PKN2: variants seen among roughly 807,000 people sequenced by gnomAD.
PKN2 encodes serine/threonine-protein kinase N2.
In PKN2, 38 loss-of-function variants were observed where a neutral mutation model predicts 119.1. That is an observed-to-expected ratio of 0.32 (90% CI 0.25 to 0.42). The LOEUF is 0.42. Ranked by LOEUF, PKN2 falls within the 10% of genes least tolerant of loss-of-function variation. The pLI is 1.00. For missense variants in PKN2, 850 were observed against 1,165.1 expected (o/e 0.73, Z 3.94); for synonymous variants, 390 against 384.9 (o/e 1.01, Z -0.15).
At chr1:88,799,230 A>G (rs1049169981) in intron 8 of PKN2, among the ~76,000 whole-genome samples, 7 of 152,188 alleles carry the variant, frequency 4.6e-5, no homozygotes, top group African/African-American at 1.7e-4. Flanking sequence ...CCACATCTAT[A>G]GCAGGCCGAC....
At chr1:88,708,279 G>A (rs868701526) in intron 1 of PKN2, among the ~76,000 whole-genome samples, 3 of 152,078 alleles carry the variant, frequency 2.0e-5, no homozygotes, top group African/African-American at 4.8e-5. Context: ...GTATTAACTG[G>A]TTCTCTATAG....
chr1:88,784,098 C>T (rs183612188), intron 6 of PKN2, among the ~76,000 whole-genome samples: 1 of 148,436 alleles, frequency 6.7e-6, no homozygotes, highest in East Asian at 2.0e-4. Context: ...TCTTTTATGC[C>T]CTCTATACAG....
rs550439616 is a variant in PKN2, at chr1:88,762,034, G to T, written c.504+1658G>T. Among the ~76,000 whole-genome samples, 6 of 152,130 alleles carry T rather than the reference G, an allele frequency of 3.9e-5. No individual in the cohort carries two copies. The East Asian group carries it at 1.2e-3, about 29-fold the overall frequency. ...TGTAGAGTAAAGTTTTTAAATCTGG[G>T]GTGGATGGATTAGTTTGAGGGGTTT... On this transcript the variant is annotated intron_variant, in intron 3 of 21. Transcript: ENST00000370521.
At chr1:88,772,462 G>A (rs1289712157) in intron 6 of PKN2, among the ~76,000 whole-genome samples, 1 of 152,122 alleles carries the variant, frequency 6.6e-6, no homozygotes, top group Non-Finnish European at 1.5e-5. Context: ...TTCCAGATTA[G>A]GGATGCTTAA....
chr1:88,802,291 C>T (rs1335718971), intron 8 of PKN2, among the ~76,000 whole-genome samples: 1 of 151,850 alleles, frequency 6.6e-6, no homozygotes, highest in African/African-American at 2.4e-5. Context: ...GTGACTTATC[C>T]CAAATCTCAG....
At chr1:88,687,265 AG>A (rs1478231483) in intron 1 of PKN2, among the ~76,000 whole-genome samples, 4 of 152,230 alleles carry the variant, frequency 2.6e-5, no homozygotes, top group Middle Eastern at 3.4e-3. Context: ...TTATTCAACA[AG>A]GAAGCATTAA....
rs191496972 is a variant in PKN2 at position 88,715,177 on chromosome 1, G to T, written c.49-25811G>T. 3.1e-3 allele frequency among the ~76,000 whole-genome samples: 467 copies of T among 152,298 alleles called. 2 individuals are homozygous for T. The highest frequency in any genetic ancestry group is 4.9e-3 in the Non-Finnish European group (335 of 68,024). On this transcript the variant is annotated intron_variant, in intron 1 of 21. Coordinates refer to ENST00000370521, the MANE Select transcript of PKN2 (RefSeq NM_006256.4). ...ATGTGCTGCTCAGTTCGGTTTGCCA[G>T]TATTTTGTTGAGGATTTTTGCATTG...
At chr1:88,808,375 G>A (rs896211588) in intron 15 of PKN2, among the ~76,000 whole-genome samples, 8 of 151,652 alleles carry the variant, frequency 5.3e-5, no homozygotes, top group African/African-American at 1.5e-4. Flanking sequence ...GTGCCATCTC[G>A]GCTCACTGCA....
At chr1:88,722,554 C>T (rs1667724808) in intron 1 of PKN2, among the ~76,000 whole-genome samples, 2 of 151,972 alleles carry the variant, frequency 1.3e-5, no homozygotes, top group African/African-American at 4.8e-5. Flanking sequence ...GCAGGAGAAT[C>T]GCTTGAGCCA....
intron 1 of PKN2, among the ~76,000 whole-genome samples, chr1:88,688,416 C>G (rs972421245): frequency 6.6e-6 from 1 of 152,106 alleles, no homozygotes; most frequent in Non-Finnish European, 1.5e-5. Context: ...TGCCACAGTT[C>G]TGGGGAACTA....
chr1:88,717,305 G>A (rs1474619730), intron 1 of PKN2, among the ~76,000 whole-genome samples: 1 of 152,094 alleles, frequency 6.6e-6, no homozygotes, highest in Admixed American at 6.6e-5. Flanking sequence ...GTATCTTTGT[G>A]GCATTCTCTG....
At chr1:88,748,407 TTGTG>T (rs1269103347) in intron 2 of PKN2, among the ~76,000 whole-genome samples, 2 of 152,168 alleles carry the variant, frequency 1.3e-5, no homozygotes, top group African/African-American at 4.8e-5. Flanking sequence ...CTTCAAGTTG[TTGTG>T]TGTATCAGTA....
rs775441393 is a variant in PKN2 at position 88,804,373 on chromosome 1, T to G, written c.1282-18T>G. On this transcript the variant is annotated intron_variant, in intron 8 of 21. Transcript: ENST00000370521. ...ATGTCTTTTCTGTTTTCTTTATTAT[T>G]TTTTTTAATTATCCTAGTCACGTGA... The G allele has an allele frequency of 1.9e-6, 3 of 1,569,676 alleles. No homozygotes were observed. Among genetic ancestry groups the G allele is most frequent in the Non-Finnish European group, 2.6e-6 (3 of 1,155,192 alleles).
At chr1:88,724,492 C>T (rs1241444307) in intron 1 of PKN2, among the ~76,000 whole-genome samples, 1 of 151,528 alleles carries the variant, frequency 6.6e-6, no homozygotes, top group African/African-American at 2.4e-5. Flanking sequence ...TTACTTTTTC[C>T]TGGTAAAACT....
chr1:88,758,038 CAAAAAAAAAAAAA>C (rs33914457), intron 2 of PKN2, among the ~76,000 whole-genome samples: 1 of 59,070 alleles, frequency 1.7e-5, no homozygotes, highest in Non-Finnish European at 3.0e-5. Context: ...GAGACTATCT[CAAAAAAAAAAAAA>C]AAAAAAAAAA....
At chr1:88,788,780 A>G (rs574084022) in intron 8 of PKN2, among the ~76,000 whole-genome samples, 11 of 152,168 alleles carry the variant, frequency 7.2e-5, no homozygotes, top group African/African-American at 2.6e-4. Context: ...ACTTACTACC[A>G]GCTCTGTGTT....
intron 8 of PKN2, among the ~76,000 whole-genome samples, chr1:88,791,423 C>CT (rs1406362940): frequency 3.4e-5 from 5 of 145,136 alleles, no homozygotes; most frequent in African/African-American, 1.3e-4. Flanking sequence ...GAGTGAAACT[C>CT]TGTCTCAAAA....
intron 1 of PKN2, among the ~76,000 whole-genome samples, chr1:88,689,608 C>T (rs567311629): frequency 2.6e-5 from 4 of 152,140 alleles, no homozygotes; most frequent in Admixed American, 6.5e-5. Flanking sequence ...GTCAGGAGTT[C>T]GAGACTAGCC....
chr1:88,791,748 A>G (rs1670850580), intron 8 of PKN2, among the ~76,000 whole-genome samples: 1 of 152,184 alleles, frequency 6.6e-6, no homozygotes, highest in Admixed American at 6.5e-5. Flanking sequence ...CCTATCAGAT[A>G]ACAGATTCTG....
Sources: allele counts gnomAD v4.1 joint callset (sites outside exome capture counted in the v4.1 genomes callset), GRCh38; gene constraint gnomAD v4.1.1; transcripts MANE v1.5; gene names NCBI Gene and HGNC (gene_info 2026-07-23, HGNC 2026-07-21).